The following MEI4 variants were observed in gnomAD, a reference collection of about 807,000 sequenced individuals.
The protein encoded by MEI4 is meiotic double-stranded break formation protein 4.
Under a neutral mutation model 31.4 loss-of-function variants are expected in MEI4, and 27 were observed. The ratio of observed to expected loss-of-function variants is 0.86; its 90% CI spans 0.63 to 1.19. MEI4 has a LOEUF of 1.19. MEI4 is among the 50% of genes most tolerant of loss of function. The pLI is 0.00. For synonymous variants in MEI4, 122 were observed against 145.4 expected (o/e 0.84, Z 1.16); for missense variants, 329 against 398.9 (o/e 0.82, Z 1.49).
intron 3 of MEI4, among the ~76,000 whole-genome samples, chr6:77,824,446 T>C (rs773235557): frequency 1.8e-4 from 28 of 152,312 alleles, no homozygotes; most frequent in African/African-American, 6.7e-4. Context: ...GTCCCTAGTA[T>C]TTAGTTTGAG....
At chr6:77,887,436 A>G (rs918277605) in intron 4 of MEI4, among the ~76,000 whole-genome samples, 4 of 151,966 alleles carry the variant, frequency 2.6e-5, no homozygotes, top group Admixed American at 2.0e-4. Flanking sequence ...AGTTGGGATT[A>G]CAGGCATCGC....
chr6:77,787,463 T>C (rs1768772755), intron 3 of MEI4, among the ~76,000 whole-genome samples: 1 of 152,168 alleles, frequency 6.6e-6, no homozygotes, highest in Admixed American at 6.6e-5. Flanking sequence ...TGGACCTCAC[T>C]GCAGATCTAG....
intron 4 of MEI4, among the ~76,000 whole-genome samples, chr6:77,893,819 G>T (rs992011820): frequency 1.3e-5 from 2 of 152,012 alleles, no homozygotes; most frequent in Non-Finnish European, 1.5e-5. Flanking sequence ...TTTCTTAATA[G>T]GAAGATTATA....
At chr6:77,809,619 A>G (rs1403342279) in intron 3 of MEI4, among the ~76,000 whole-genome samples, 31 of 152,200 alleles carry the variant, frequency 2.0e-4, no homozygotes, top group Non-Finnish European at 2.9e-5. Flanking sequence ...CATAGAGGCC[A>G]GGGAGTATAC....
chr6:77,800,023 T>C (rs1038834246), intron 3 of MEI4, among the ~76,000 whole-genome samples: 1 of 152,192 alleles, frequency 6.6e-6, no homozygotes, highest in African/African-American at 2.4e-5. Flanking sequence ...TTTTTCCAAT[T>C]CTGTGAAGAA....
At chr6:77,902,376 A>G (rs890269874) in intron 4 of MEI4, among the ~76,000 whole-genome samples, 13 of 152,074 alleles carry the variant, frequency 8.5e-5, no homozygotes, top group Non-Finnish European at 1.9e-4. Context: ...ATATTCTTCA[A>G]TATCTTTAAT....
chr6:77,743,009 T>G (rs1372611189), intron 2 of MEI4, among the ~76,000 whole-genome samples: 1 of 152,178 alleles, frequency 6.6e-6, no homozygotes, highest in Admixed American at 6.5e-5. Flanking sequence ...TACCATGCTG[T>G]TTTGGTTACT....
chr6:77,921,884 C>T (rs1156966417), intron 4 of MEI4, among the ~76,000 whole-genome samples: 1 of 151,662 alleles, frequency 6.6e-6, no homozygotes, highest in African/African-American at 2.4e-5. Context: ...GTAGTAACAT[C>T]ATGGATGACT....
intron 2 of MEI4, among the ~76,000 whole-genome samples, chr6:77,749,761 A>G (rs568069931): frequency 6.6e-6 from 1 of 152,300 alleles, no homozygotes; most frequent in East Asian, 1.9e-4. Flanking sequence ...TTCAGGAAAT[A>G]CAGAGAACAC....
At chr6:77,877,829 A>G (rs1454639324) in intron 4 of MEI4, among the ~76,000 whole-genome samples, 1 of 151,672 alleles carries the variant, frequency 6.6e-6, no homozygotes, top group Non-Finnish European at 1.5e-5. Flanking sequence ...TTGAGACACA[A>G]TAAGAAAATA....
intron 2 of MEI4, among the ~76,000 whole-genome samples, chr6:77,740,212 A>G (rs147590789): frequency 2.1e-3 from 321 of 152,100 alleles, no homozygotes; most frequent in African/African-American, 7.0e-3. Flanking sequence ...GGAGTTTTTT[A>G]TGTTTGATTA....
intron 3 of MEI4, among the ~76,000 whole-genome samples, chr6:77,806,669 T>C (rs1360468514): frequency 6.6e-6 from 1 of 152,088 alleles, no homozygotes; most frequent in East Asian, 1.9e-4. Context: ...GAAATACAGG[T>C]ATATGGGTGC....
intron 4 of MEI4, among the ~76,000 whole-genome samples, chr6:77,908,760 T>G (rs1379261305): frequency 1.3e-5 from 2 of 152,116 alleles, no homozygotes; most frequent in Non-Finnish European, 2.9e-5. Context: ...AGAAGGCCAT[T>G]ACATAATGGT....
intron 3 of MEI4, among the ~76,000 whole-genome samples, chr6:77,786,219 CAT>C (rs765628107): frequency 4.0e-5 from 6 of 151,690 alleles, no homozygotes; most frequent in African/African-American, 7.3e-5. Flanking sequence ...GGGGAAATTA[CAT>C]ATATATATAT....
Position 77,909,222 on chromosome 6 carries a change from T to C in MEI4, c.901-13867T>C, listed in dbSNP as rs1014708672. On this transcript the variant is annotated intron_variant, in intron 4 of 4. Coordinates refer to ENST00000684080, the MANE Select transcript of MEI4 (RefSeq NM_001322247.2). ...ACTCACTCAAAACCGCTCAACTACA[T>C]GGATAGAGACACAAAAAACCCTTCA... is the stretch of plus-strand genomic sequence containing the variant. Among the ~76,000 whole-genome samples, 3 of 151,544 alleles carry C rather than the reference T, an allele frequency of 2.0e-5. No individual in the cohort carries two copies. The South Asian group carries it at 6.2e-4, about 32-fold the overall frequency.
intron 1 of MEI4, among the ~76,000 whole-genome samples, chr6:77,679,214 C>T (rs933173698): frequency 6.6e-6 from 1 of 152,130 alleles, no homozygotes; most frequent in Non-Finnish European, 1.5e-5. Flanking sequence ...CAGTAGTATA[C>T]AGTAATGTGC....
chr6:77,664,619 A>G (rs1458329510), intron 1 of MEI4, among the ~76,000 whole-genome samples: 1 of 152,002 alleles, frequency 6.6e-6, no homozygotes, highest in Non-Finnish European at 1.5e-5. Flanking sequence ...GAGAGGTCAG[A>G]TGGGTCTGTA....
chr6:77,816,593 A>G (rs978161373), intron 3 of MEI4, among the ~76,000 whole-genome samples: 8 of 152,178 alleles, frequency 5.3e-5, no homozygotes, highest in Admixed American at 1.3e-4. Context: ...TAGTGCCGCA[A>G]TAAACATAGG....
At chr6:77,734,569 G>A (rs1273160220) in intron 2 of MEI4, among the ~76,000 whole-genome samples, 1 of 152,064 alleles carries the variant, frequency 6.6e-6, no homozygotes, top group Non-Finnish European at 1.5e-5. Flanking sequence ...ACAGCACACT[G>A]ATGGGTCTTG....
Sources: allele counts gnomAD v4.1 joint callset (sites outside exome capture counted in the v4.1 genomes callset), GRCh38; gene constraint gnomAD v4.1.1; transcripts MANE v1.5; gene names NCBI Gene and HGNC (gene_info 2026-07-23, HGNC 2026-07-21).